ABCA1: variants seen among roughly 807,000 people sequenced by gnomAD.
ABCA1 encodes the protein ATP binding cassette subfamily A member 1.
Under a neutral mutation model 262.5 loss-of-function variants are expected in ABCA1, and 133 were observed. The ratio of observed to expected loss-of-function variants is 0.51; its 90% CI spans 0.44 to 0.59. ABCA1 has a LOEUF of 0.59. ABCA1 is among the 20% of genes least tolerant of loss of function. The pLI is 0.00. For synonymous variants in ABCA1, 1,022 were observed against 1,043.5 expected (o/e 0.98, Z 0.40); for missense variants, 2,452 against 2,777.5 (o/e 0.88, Z 2.63).
intron 21 of ABCA1, 99 bp from the exon 22 acceptor site, chr9:104,819,822 CA>C: frequency 6.2e-7 from 1 of 1,610,074 alleles, no homozygotes; most frequent in Admixed American, 1.7e-5. Flanking sequence ...TTTCTGTTAC[CA>C]ACCGCACCCA....
intron 13 of ABCA1, 51 bp downstream of exon 13, chr9:104,831,571 G>C (rs761641799): frequency 6.8e-7 from 1 of 1,464,002 alleles, no homozygotes; most frequent in East Asian, 2.3e-5. Context: ...TAATATAATA[G>C]GTGCTCTGGA....
chr9:104,842,893 C>T lies in ABCA1; in HGVS notation c.814-2374G>A, dbSNP rs186841896. Among the ~76,000 whole-genome samples the T allele has an allele frequency of 1.8e-4, 28 of 152,260 alleles. No homozygotes were observed. In the East Asian group the frequency reaches 4.6e-3, roughly 25 times the overall value. ...CTTGCCAGGCCTGTATGGCACTCACCTCCTCCTGCTCTGAGCTCCTCTCCT... is the reference window on the plus strand; with the variant it reads ...CTTGCCAGGCCTGTATGGCACTCACTTCCTCCTGCTCTGAGCTCCTCTCCT... On this transcript the variant is annotated intron_variant, in intron 8 of 49. Coordinates refer to ENST00000374736, the MANE Select transcript of ABCA1 (RefSeq NM_005502.4).
intron 31 of ABCA1, among the ~76,000 whole-genome samples, chr9:104,806,020 G>A (rs567860528): frequency 7.2e-4 from 110 of 152,204 alleles, no homozygotes; most frequent in African/African-American, 2.3e-3. Context: ...CAGGAGAATC[G>A]CTTGAACCTG....
At chr9:104,818,975 G>C in intron 22 of ABCA1, 92 bp from the exon 23 acceptor site, 1 of 1,264,478 alleles carries the variant, frequency 7.9e-7, no homozygotes, top group South Asian at 1.3e-5. Flanking sequence ...ATTAGCAGGG[G>C]TAAGCACTGG....
chr9:104,876,408 G>C (rs1368769218), intron 5 of ABCA1, among the ~76,000 whole-genome samples: 3 of 152,148 alleles, frequency 2.0e-5, no homozygotes, highest in Non-Finnish European at 4.4e-5. Flanking sequence ...AGCCAAGTAG[G>C]ACGTCCCAAC....
chr9:104,794,531 T>A (rs764807023), intron 39 of ABCA1, 21 bp from the exon 40 acceptor site: 231 of 773,226 alleles, frequency 3.0e-4, no homozygotes, highest in Middle Eastern at 6.6e-4. Flanking sequence ...AAAAAAAAAA[T>A]GGGAGGGAAG....
Position 104,782,839 on chromosome 9 carries a change from T to C in ABCA1, c.*1476A>G, listed in dbSNP as rs537176920. 26 of 144,474 alleles carry C rather than the reference T, an allele frequency of 1.8e-4. 1 individual carries two copies. The South Asian group carries it at 1.8e-3, about 10-fold the overall frequency. 8.9% of individuals were successfully genotyped at this position (144,474 alleles called of 1,614,324 possible). ...CCTTATACTTTCTTGGCTTTTGCAT[T>C]GTTGCAATTAAAAAAAAAAAAAAAA... On this transcript the variant is annotated 3_prime_UTR_variant, in exon 50 of 50. Coordinates refer to ENST00000374736, the MANE Select transcript of ABCA1 (RefSeq NM_005502.4).
At chr9:104,884,686 C>A in intron 3 of ABCA1, 118 bp from the exon 4 acceptor site, 1 of 1,208,482 alleles carries the variant, frequency 8.3e-7, no homozygotes, top group Non-Finnish European at 1.2e-6. Flanking sequence ...CCCCACATCC[C>A]AGAGACCTGT....
intron 8 of ABCA1, among the ~76,000 whole-genome samples, chr9:104,841,031 G>C (rs936281326): frequency 2.1e-4 from 32 of 152,264 alleles, no homozygotes; most frequent in African/African-American, 7.7e-4. Context: ...CCGAACTCTA[G>C]TGTAGAAATT....
At position 104,814,262 on chromosome 9, in the gene ABCA1, T is replaced by A. The variant is rs555027461; in HGVS notation, c.3788-31A>T. 6.2e-6 allele frequency: 10 copies of A among 1,610,058 alleles called. No homozygotes were observed. In the South Asian group the frequency reaches 1.1e-4, roughly 18 times the overall value. On this transcript the variant is annotated intron_variant, in intron 26 of 49. Coordinates refer to ENST00000374736, the MANE Select transcript of ABCA1 (RefSeq NM_005502.4). ...GGCACAAGGAAAGAATCCCATACTTTATTTTATTTACAACAAAACAAACCT... is the reference window on the plus strand; with the variant it reads ...GGCACAAGGAAAGAATCCCATACTTAATTTTATTTACAACAAAACAAACCT...
chr9:104,884,347 T>C (rs1838964330), intron 4 of ABCA1, 80 bp downstream of exon 4: 1 of 1,574,166 alleles, frequency 6.4e-7, no homozygotes, highest in Non-Finnish European at 8.7e-7. Context: ...ATCCAGCCAT[T>C]CAAAATTCTC....
chr9:104,885,203 T>C (rs976085912), intron 3 of ABCA1, among the ~76,000 whole-genome samples: 7 of 151,938 alleles, frequency 4.6e-5, no homozygotes, highest in African/African-American at 1.5e-4. Flanking sequence ...GCCATTTCAC[T>C]CCAGCCTGGG....
chr9:104,924,369 G>T (rs1285118708), intron 1 of ABCA1, among the ~76,000 whole-genome samples: 1 of 152,126 alleles, frequency 6.6e-6, no homozygotes, highest in African/African-American at 2.4e-5. Flanking sequence ...CAGCACTTTG[G>T]GAGGCTGAGG....
In ABCA1 at chr9:104,806,526, A is replaced by T. The variant is rs1830781798; in HGVS notation, c.4275-96T>A. On this transcript the variant is annotated intron_variant, in intron 30 of 49. Coordinates refer to ENST00000374736, the MANE Select transcript of ABCA1 (RefSeq NM_005502.4). ...GGATCATTCCGTAACAACCACAAACATGCATCTATTCCCTCACCATTTGGA... is the reference window on the plus strand; with the variant it reads ...GGATCATTCCGTAACAACCACAAACTTGCATCTATTCCCTCACCATTTGGA... 2.5e-6 allele frequency: 3 copies of T among 1,193,994 alleles called. No individual in the cohort carries two copies. In the East Asian group the frequency reaches 7.4e-5, roughly 29 times the overall value. 74.0% of individuals were successfully genotyped at this position (1,193,994 alleles called of 1,614,324 possible).
intron 5 of ABCA1, among the ~76,000 whole-genome samples, chr9:104,882,028 TAAAAAAAAAAAAAAAAAAAAAAAA>T (rs557626075): frequency 2.7e-5 from 2 of 73,748 alleles, no homozygotes; most frequent in Non-Finnish European, 5.2e-5. Flanking sequence ...TCTGTAGCCT[TAAAAAAAAAAAAAAAAAAAAAAAA>T]AAAAACTCAA....
chr9:104,788,528 GC>G lies in ABCA1; in HGVS notation c.5966del (p.Gly1989AlafsTer13). On this transcript the variant is annotated frameshift_variant, in exon 45 of 50. Transcript: ENST00000374736. LOFTEE classifies it high-confidence loss of function. ...SNIHEVHQNM[G>X]YCPQFDAITE... ...TGATGGCATCAAACTGAGGGCAGTA[GC>G]CCATGTTCTGATGTACTTCATGGAT... 6.2e-7 allele frequency: 1 copy of G among 1,614,176 alleles called. No homozygotes were observed. Among genetic ancestry groups the G allele is most frequent in the Non-Finnish European group, 8.5e-7 (1 of 1,180,014 alleles).
rs758159830 is a variant in ABCA1 at position 104,788,319 on chromosome 9, C to T, written c.6069+107G>A. On this transcript the variant is annotated intron_variant, in intron 45 of 49. Transcript: ENST00000374736. ...AAAGAACCAGCATTTTGTGCTGCTG[C>T]ATTCATGAGGAAAAACAGCCTGAAG... 2.7e-5 allele frequency: 41 copies of T among 1,501,562 alleles called. No homozygotes were observed. The African/African-American group carries it at 4.6e-4, about 17-fold the overall frequency. 93.0% of individuals were successfully genotyped at this position (1,501,562 alleles called of 1,614,324 possible). A position where few individuals can be genotyped will look rare whatever the true frequency, so the allele number is the denominator to read the frequency against.
At chr9:104,908,731 G>A (rs1002131913) in intron 1 of ABCA1, among the ~76,000 whole-genome samples, 4 of 152,130 alleles carry the variant, frequency 2.6e-5, no homozygotes, top group South Asian at 2.1e-4. Flanking sequence ...TGTTACATGC[G>A]ACAACCTGGA....
intron 2 of ABCA1, among the ~76,000 whole-genome samples, chr9:104,892,116 G>T (rs888678401): frequency 1.3e-5 from 2 of 151,424 alleles, no homozygotes; most frequent in South Asian, 4.2e-4. Context: ...TTGCATAGAC[G>T]GCACAACAGA....
Sources: allele counts gnomAD v4.1 joint callset (sites outside exome capture counted in the v4.1 genomes callset), GRCh38; gene constraint gnomAD v4.1.1; transcripts MANE v1.5; gene names NCBI Gene and HGNC (gene_info 2026-07-23, HGNC 2026-07-21).